The following AJAP1 variants were observed in gnomAD, a reference collection of about 807,000 sequenced individuals.
AJAP1 encodes adherens junction-associated protein 1.
In AJAP1, 5 loss-of-function variants were observed where a neutral mutation model predicts 35.0. The observed-to-expected ratio is 0.14, with a 90% confidence interval of 0.07 to 0.30. The LOEUF (loss-of-function observed/expected upper bound fraction) is 0.30. Among genes scored for constraint, AJAP1 ranks in the 10% least tolerant of loss-of-function variants. The pLI, the probability that AJAP1 is intolerant of heterozygous loss-of-function variation, is 1.00. For missense variants in AJAP1, 586 were observed against 571.0 expected (o/e 1.03, Z -0.27); for synonymous variants, 284 against 249.3 (o/e 1.14, Z -1.31).
chr1:4,708,055 C>T (rs139582565), intron 1 of AJAP1, among the ~76,000 whole-genome samples: 2,956 of 151,004 alleles, frequency 0.02, 81 homozygotes, highest in South Asian at 0.12. Context: ...GCAACCTCCG[C>T]CTCCTGGGTT....
intron 1 of AJAP1, among the ~76,000 whole-genome samples, chr1:4,662,097 C>T (rs1449491790): frequency 6.6e-6 from 1 of 151,778 alleles, no homozygotes; most frequent in Non-Finnish European, 1.5e-5. Context: ...TTTTGAAGCA[C>T]AATTTACATG....
At chr1:4,665,507 T>A (rs985192670) in intron 1 of AJAP1, among the ~76,000 whole-genome samples, 8 of 152,172 alleles carry the variant, frequency 5.3e-5, no homozygotes, top group Non-Finnish European at 8.8e-5. Flanking sequence ...AGCCTGATGC[T>A]CTGGGAAGAC....
intron 1 of AJAP1, among the ~76,000 whole-genome samples, chr1:4,701,525 G>A (rs899978108): frequency 2.0e-5 from 3 of 152,168 alleles, no homozygotes; most frequent in African/African-American, 7.2e-5. Context: ...GGAGGAGCAA[G>A]TGGTGCCCGT....
chr1:4,772,264 ACTCTTTCT>A lies in AJAP1; in HGVS notation c.918-13_918-6del. 6.2e-7 allele frequency: 1 copy of A among 1,612,888 alleles called. No individual in the cohort carries two copies. Among genetic ancestry groups the A allele is most frequent in the Non-Finnish European group, 8.5e-7 (1 of 1,179,412 alleles). ...GCCTCTGCCCGTCCCCCTACCCCAAACTCTTTCTCTTCCAGCTGTGCCCAAAGCGGGAA... is the reference window on the plus strand; with the variant it reads ...GCCTCTGCCCGTCCCCCTACCCCAAACTTCCAGCTGTGCCCAAAGCGGGAA... On this transcript the variant is annotated splice_region_variant and splice_polypyrimidine_tract_variant and intron_variant, in intron 3 of 5. Coordinates refer to ENST00000378191, the MANE Select transcript of AJAP1 (RefSeq NM_018836.4).
chr1:4,729,060 TTC>T (rs369860748), intron 2 of AJAP1, among the ~76,000 whole-genome samples: 3 of 152,326 alleles, frequency 2.0e-5, no homozygotes, highest in African/African-American at 7.2e-5. Context: ...GGGCCGAGTC[TTC>T]TGATACATCC....
intron 5 of AJAP1, among the ~76,000 whole-genome samples, chr1:4,780,013 G>A (rs1642028846): frequency 6.6e-6 from 1 of 151,420 alleles, no homozygotes; most frequent in Non-Finnish European, 1.5e-5. Flanking sequence ...GGTGTGTGGT[G>A]TGCGCCTATA....
chr1:4,724,676 A>C (rs1184553385), intron 2 of AJAP1, among the ~76,000 whole-genome samples: 1 of 114,938 alleles, frequency 8.7e-6, no homozygotes, highest in Non-Finnish European at 1.6e-5. Flanking sequence ...CAGATCCTGC[A>C]CCTGCTGTGC....
chr1:4,777,042 T>C (rs1331984263), intron 5 of AJAP1, among the ~76,000 whole-genome samples: 1 of 152,208 alleles, frequency 6.6e-6, no homozygotes, highest in African/African-American at 2.4e-5. Flanking sequence ...TAAGATTCTG[T>C]TGCCGATTGC....
chr1:4,781,003 G>T (rs546085445), intron 5 of AJAP1, among the ~76,000 whole-genome samples: 1 of 152,266 alleles, frequency 6.6e-6, no homozygotes, highest in East Asian at 1.9e-4. Flanking sequence ...CTCTTGTCCA[G>T]GTGCAGAGGG....
chr1:4,657,166 G>A (rs1638900509), intron 1 of AJAP1, among the ~76,000 whole-genome samples: 1 of 152,224 alleles, frequency 6.6e-6, no homozygotes, highest in Admixed American at 6.5e-5. Flanking sequence ...GGAGAGAAGA[G>A]CAAATATCTT....
intron 2 of AJAP1, among the ~76,000 whole-genome samples, chr1:4,751,586 GC>G (rs1641321619): frequency 6.6e-6 from 1 of 152,224 alleles, no homozygotes; most frequent in Non-Finnish European, 1.5e-5. Context: ...ACCTGCCTCT[GC>G]CTGGAGCCCA....
At chr1:4,728,306 CG>C (rs1640716583) in intron 2 of AJAP1, among the ~76,000 whole-genome samples, 1 of 152,072 alleles carries the variant, frequency 6.6e-6, no homozygotes, top group Admixed American at 6.5e-5. Flanking sequence ...TGGCTGAGCA[CG>C]GGGCCCTTCC....
chr1:4,671,325 C>T (rs889523552), intron 1 of AJAP1, among the ~76,000 whole-genome samples: 11 of 150,708 alleles, frequency 7.3e-5, no homozygotes, highest in African/African-American at 2.0e-4. Context: ...GCTGAGATTG[C>T]GCCACTGCAC....
In AJAP1 at chr1:4,772,387, G is replaced by A; in HGVS notation, c.1025G>A (p.Ser342Asn). The part of the protein sequence containing the change: ...LTDFPSARVP[S>N]SLDIFTAYNE... ...GACTTCCCCTCGGCCCGGGTGCCCA[G>A]CAGCCTGGACATATTCACGGCCTAT... Residue 342 changes from serine (S) to asparagine (N), a missense_variant, in exon 4 of 6, where the codon AGC (serine) becomes AAC (asparagine). Coordinates refer to ENST00000378191, the MANE Select transcript of AJAP1 (RefSeq NM_018836.4). 1 of 1,614,254 alleles carries A rather than the reference G, an allele frequency of 6.2e-7. No individual in the cohort carries two copies. The highest frequency in any genetic ancestry group is 8.5e-7 in the Non-Finnish European group (1 of 1,180,054).
chr1:4,677,873 A>G (rs1639396334), intron 1 of AJAP1, among the ~76,000 whole-genome samples: 1 of 152,188 alleles, frequency 6.6e-6, no homozygotes, highest in Non-Finnish European at 1.5e-5. Flanking sequence ...TATTGCTTCC[A>G]GTTGGAATGC....
rs547312308 is a variant in AJAP1 at position 4,656,944 on chromosome 1, C to T, written c.29+1490C>T. On this transcript the variant is annotated intron_variant, in intron 1 of 5. Transcript: ENST00000378191. The surrounding 1 kb of genome is among the most constrained non-coding windows in gnomAD (Gnocchi z 5.7). ...TCCAGGTGCCCTGGAGGCCTGCCAT[C>T]CCCTGCTCTGCCCCGGACTGTCCCA... Among the ~76,000 whole-genome samples, 2 of 152,140 alleles carry T rather than the reference C, an allele frequency of 1.3e-5. No individual in the cohort carries two copies. The highest frequency in any genetic ancestry group is 2.9e-5 in the Non-Finnish European group (2 of 68,026).
At chr1:4,695,384 C>T (rs919311351) in intron 1 of AJAP1, among the ~76,000 whole-genome samples, 9 of 152,278 alleles carry the variant, frequency 5.9e-5, no homozygotes, top group African/African-American at 1.9e-4. Context: ...CTGTGAGCTG[C>T]CCATGAGGGT....
At chr1:4,662,821 G>A (rs1216143674) in intron 1 of AJAP1, among the ~76,000 whole-genome samples, 1 of 152,356 alleles carries the variant, frequency 6.6e-6, no homozygotes, top group African/African-American at 2.4e-5. Flanking sequence ...TCTGCCACGG[G>A]GATGTGTTTT....
At chr1:4,731,652 T>C (rs981616983) in intron 2 of AJAP1, among the ~76,000 whole-genome samples, 1 of 152,110 alleles carries the variant, frequency 6.6e-6, no homozygotes, top group Non-Finnish European at 1.5e-5. Flanking sequence ...GCTGGTAACA[T>C]ACAGGGTCCC....
Sources: gnomAD v4.1 joint callset for allele counts (sites outside exome capture counted in the v4.1 genomes callset) on GRCh38, gnomAD v4.1.1 for gene constraint, Gnocchi (gnomAD v3.1) non-coding constraint, MANE v1.5 for transcripts, NCBI Gene and HGNC (gene_info 2026-07-23, HGNC 2026-07-21) for gene names.